Variants in PCDH15 observed in about 807,000 individuals in gnomAD.
The protein encoded by PCDH15 is protocadherin related 15, also known as protocadherin-15.
PCDH15 carries 129 observed loss-of-function variants against 178.5 expected under a neutral mutation model. The ratio of observed to expected loss-of-function variants is 0.72; its 90% confidence interval spans 0.63 to 0.84. PCDH15 has a LOEUF of 0.84. Among genes scored for constraint, PCDH15 ranks in the 40% least tolerant of loss-of-function variants. The probability of loss-of-function intolerance (pLI) is 0.00; values close to 1 mark genes in which losing one functional copy is unlikely to be tolerated. For synonymous variants in PCDH15, 800 were observed against 732.0 expected, an observed-to-expected ratio of 1.09 and a Z score of -1.50; for missense variants, 2,230 against 2,099.9, an observed-to-expected ratio of 1.06 and a Z score of -1.21.
At position 54,100,360 on chromosome 10, in the gene PCDH15, G is replaced by A. The variant is rs577456562; in HGVS notation, c.1918-10297C>T. ...AGCCTGAGTGACAGAGCAAGACTCC[G>A]TCTCAAAAAAAAAAAAAAGTATTGC... On this transcript the variant is annotated intron_variant, in intron 15 of 37. Coordinates refer to ENST00000644397, the MANE Select transcript of PCDH15 (RefSeq NM_001384140.1). Among the ~76,000 whole-genome samples, 277 of 141,968 alleles carry A rather than the reference G, an allele frequency of 2.0e-3. 1 individual carries two copies. The highest frequency in any genetic ancestry group is 7.2e-3 in the African/African-American group (261 of 36,040). The allele number at this position is 141,968 out of a possible 152,430, so 93.1% of individuals were successfully genotyped here.
chr10:53,899,134 CT>C (rs2082154716), intron 26 of PCDH15, among the ~76,000 whole-genome samples: 1 of 76,388 alleles, frequency 1.3e-5, no homozygotes, highest in African/African-American at 5.9e-5. Flanking sequence ...TATTTATTTA[CT>C]TTTTTTCGGG....
chr10:55,091,270 T>C (rs1263191589), intron 2 of PCDH15, among the ~76,000 whole-genome samples: 3 of 151,984 alleles, frequency 2.0e-5, no homozygotes, highest in Non-Finnish European at 4.4e-5. Context: ...TTTAATTGTA[T>C]TGAATACTGA....
chr10:53,868,410 A>G (rs891530995), intron 26 of PCDH15, among the ~76,000 whole-genome samples: 1 of 152,138 alleles, frequency 6.6e-6, no homozygotes, highest in African/African-American at 2.4e-5. Flanking sequence ...ACTGAGGAAT[A>G]TATTGTTTTA....
intron 3 of PCDH15, among the ~76,000 whole-genome samples, chr10:54,518,765 G>A (rs188644085): frequency 6.6e-6 from 1 of 152,128 alleles, no homozygotes; most frequent in South Asian, 2.1e-4. Flanking sequence ...CCAAAAAAGA[G>A]AATTTTAGAC....
intron 2 of PCDH15, among the ~76,000 whole-genome samples, chr10:55,111,188 GTC>G (rs1226962034): frequency 6.6e-6 from 1 of 152,070 alleles, no homozygotes; most frequent in East Asian, 1.9e-4. Flanking sequence ...ATTAATATGT[GTC>G]TGAAGACTTT....
chr10:55,416,739 C>G (rs1287269691), intron 2 of PCDH15, among the ~76,000 whole-genome samples: 1 of 151,804 alleles, frequency 6.6e-6, no homozygotes, highest in East Asian at 1.9e-4. Context: ...ATTAAAGGGA[C>G]AGGTGAGGCT....
chr10:54,444,390 C>CA (rs2076021188), intron 3 of PCDH15, among the ~76,000 whole-genome samples: 2 of 151,724 alleles, frequency 1.3e-5, no homozygotes, highest in South Asian at 4.1e-4. Flanking sequence ...TAGACACACT[C>CA]ACGGATGATT....
chr10:55,352,368 A>T (rs1304246103), intron 2 of PCDH15, among the ~76,000 whole-genome samples: 1 of 152,138 alleles, frequency 6.6e-6, no homozygotes, highest in African/African-American at 2.4e-5. Context: ...TTCAAACATG[A>T]ACGATGCATT....
At chr10:54,985,144 A>C (rs1403409416) in intron 2 of PCDH15, among the ~76,000 whole-genome samples, 7 of 152,186 alleles carry the variant, frequency 4.6e-5, no homozygotes, top group Non-Finnish European at 1.0e-4. Flanking sequence ...GCAATTTTAT[A>C]TTCTTCACTC....
At chr10:55,416,145 T>G (rs539279098) in intron 2 of PCDH15, among the ~76,000 whole-genome samples, 1 of 151,882 alleles carries the variant, frequency 6.6e-6, no homozygotes, top group African/African-American at 2.4e-5. Context: ...ACTAAAAAAG[T>G]AATTTCACTA....
chr10:55,136,097 G>C (rs1430916030), intron 2 of PCDH15, among the ~76,000 whole-genome samples: 2 of 152,074 alleles, frequency 1.3e-5, no homozygotes, highest in Non-Finnish European at 2.9e-5. Flanking sequence ...AAATAAAACT[G>C]AGTAACATTA....
At position 55,487,441 on chromosome 10, in the gene PCDH15, A is replaced by G. The variant is rs375564083; in HGVS notation, c.-156+140184T>C. Among the ~76,000 whole-genome samples, 16 of 151,710 alleles carry G rather than the reference A, an allele frequency of 1.1e-4. No homozygotes were observed. In the East Asian group the frequency reaches 2.3e-3, roughly 22 times the overall value. On this transcript the variant is annotated intron_variant, in intron 2 of 5. Transcript: ENST00000613346. ...ATCCATTTATCAAGTATATAACAACACTCAAAGAATCCACCCATTTCCTTT... is the reference window on the plus strand; with the variant it reads ...ATCCATTTATCAAGTATATAACAACGCTCAAAGAATCCACCCATTTCCTTT...
intron 20 of PCDH15, among the ~76,000 whole-genome samples, chr10:53,998,934 C>G (rs1262510792): frequency 6.6e-6 from 1 of 151,490 alleles, no homozygotes; most frequent in East Asian, 2.0e-4. Context: ...CACCTGTAAT[C>G]CCAGCTACTC....
At chr10:53,947,938 G>T (rs1274987166) in intron 23 of PCDH15, among the ~76,000 whole-genome samples, 3 of 152,110 alleles carry the variant, frequency 2.0e-5, no homozygotes, top group Admixed American at 6.6e-5. Context: ...TTATTATATT[G>T]TTCTCATTAA....
intron 2 of PCDH15, among the ~76,000 whole-genome samples, chr10:55,436,087 C>T (rs1324254058): frequency 6.6e-6 from 1 of 151,688 alleles, no homozygotes; most frequent in Admixed American, 6.6e-5. Context: ...TCTCTTTAAC[C>T]CTATGCTGAA....
intron 9 of PCDH15, among the ~76,000 whole-genome samples, chr10:54,220,102 T>C (rs1411511949): frequency 1.3e-5 from 2 of 152,178 alleles, no homozygotes; most frequent in East Asian, 3.9e-4. Context: ...TTCATCAGCA[T>C]AGAATGGAGC....
intron 2 of PCDH15, among the ~76,000 whole-genome samples, chr10:54,613,952 A>G (rs949901485): frequency 2.6e-5 from 4 of 151,944 alleles, no homozygotes; most frequent in Non-Finnish European, 5.9e-5. Context: ...CCAAATTTAA[A>G]ATTATATAGT....
intron 13 of PCDH15, among the ~76,000 whole-genome samples, chr10:54,175,152 A>G (rs1013147533): frequency 1.3e-5 from 2 of 152,194 alleles, no homozygotes; most frequent in African/African-American, 4.8e-5. Flanking sequence ...GACCTTAAGT[A>G]AATATAACCC....
At chr10:54,453,219 G>A (rs537331652) in intron 3 of PCDH15, among the ~76,000 whole-genome samples, 3 of 152,120 alleles carry the variant, frequency 2.0e-5, no homozygotes, top group East Asian at 1.9e-4. Context: ...TGTTTATCAC[G>A]GCACTATTCA....
Sources: gnomAD v4.1 joint callset for allele counts (sites outside exome capture counted in the v4.1 genomes callset) on GRCh38, gnomAD v4.1.1 for gene constraint, MANE v1.5 for transcripts, NCBI Gene and HGNC (gene_info 2026-07-23, HGNC 2026-07-21) for gene names.